Variants in FAXC observed in about 807,000 individuals in gnomAD.
The protein encoded by FAXC is failed axon connections homolog.
Under a neutral mutation model 41.9 loss-of-function variants are expected in FAXC, and 10 were observed. That is an observed-to-expected ratio of 0.24 (90% confidence interval 0.15 to 0.41). FAXC has a LOEUF of 0.41. FAXC is among the 10% of genes least tolerant of loss of function. FAXC has a pLI of 1.00. For synonymous variants in FAXC, 183 were observed against 183.8 expected (o/e 1.00, Z 0.03); for missense variants, 399 against 510.9 (o/e 0.78, Z 2.11).
intron 4 of FAXC, among the ~76,000 whole-genome samples, chr6:99,319,348 G>A (rs1024710044): frequency 2.1e-5 from 3 of 145,530 alleles, no homozygotes; most frequent in African/African-American, 5.1e-5. Context: ...GCAGTGAGCC[G>A]AGATTGCACC....
intron 1 of FAXC, among the ~76,000 whole-genome samples, chr6:99,346,932 C>T (rs1773615921): frequency 6.6e-6 from 1 of 152,120 alleles, no homozygotes; most frequent in African/African-American, 2.4e-5. Context: ...GTTTGCATTA[C>T]TTCAGAGCTT....
intron 4 of FAXC, among the ~76,000 whole-genome samples, chr6:99,315,229 T>A (rs539945430): frequency 4.0e-5 from 3 of 74,612 alleles, no homozygotes; most frequent in African/African-American, 1.5e-4. Flanking sequence ...CAACACTCCA[T>A]CTTAAAAAAA....
chr6:99,324,518 A>G (rs941985705), intron 3 of FAXC, among the ~76,000 whole-genome samples: 2 of 152,202 alleles, frequency 1.3e-5, no homozygotes, highest in East Asian at 1.9e-4. Flanking sequence ...ACAACTGCCA[A>G]TGGAACTTGG....
chr6:99,311,496 A>G (rs192414941), intron 4 of FAXC, among the ~76,000 whole-genome samples: 2 of 152,310 alleles, frequency 1.3e-5, no homozygotes, highest in Admixed American at 1.3e-4. Flanking sequence ...AATTGCTTGA[A>G]CTTGGGAGGT....
In FAXC at chr6:99,290,558, C is replaced by T. The variant is rs112252034; in HGVS notation, c.940+1146G>A. Among the ~76,000 whole-genome samples, 1,000 of 151,498 alleles carry T rather than the reference C, an allele frequency of 6.6e-3. 10 individuals carry two copies. Among genetic ancestry groups the T allele is most frequent in the African/African-American group, 0.024 (977 of 41,308 alleles). ...CTCTACTAAAAATACCAAAATTAGC[C>T]GGGCATGGTGTTGCACTCCTGTAAT... On this transcript the variant is annotated intron_variant, in intron 5 of 5. Coordinates refer to ENST00000389677, the MANE Select transcript of FAXC (RefSeq NM_032511.4).
At chr6:99,326,577 T>G (rs1175699915) in intron 3 of FAXC, among the ~76,000 whole-genome samples, 1 of 152,106 alleles carries the variant, frequency 6.6e-6, no homozygotes, top group African/African-American at 2.4e-5. Flanking sequence ...AGGTTTAGAC[T>G]CCAGATAGAG....
chr6:99,284,559 C>G (rs373893886), intron 5 of FAXC, among the ~76,000 whole-genome samples: 5,485 of 118,892 alleles, frequency 0.046, 109 homozygotes, highest in Non-Finnish European at 0.058. Context: ...TGTGGAGTGT[C>G]TGTGTGTGTG....
Position 99,272,818 on chromosome 6 carries a change from T to C in FAXC, c.*8346A>G, listed in dbSNP as rs570495856. The C allele has an allele frequency of 6.6e-6, 1 of 152,242 alleles. No individual in the cohort carries two copies. Among genetic ancestry groups the C allele is most frequent in the East Asian group, 1.9e-4 (1 of 5,204 alleles). 9.4% of individuals were successfully genotyped at this position (152,242 alleles called of 1,614,324 possible). On this transcript the variant is annotated 3_prime_UTR_variant, in exon 6 of 6. Transcript: ENST00000389677. ...TAAGAGACCACCACTTAACAGTATA[T>C]TAGATGCAAACATTTCAGATTTTCC...
chr6:99,335,349 A>T (rs9399138), intron 2 of FAXC, among the ~76,000 whole-genome samples: 8,924 of 152,336 alleles, frequency 0.059, 601 homozygotes, highest in East Asian at 0.39. Context: ...ACTTTCTTCA[A>T]GCCTCCTTGC....
intron 4 of FAXC, among the ~76,000 whole-genome samples, chr6:99,303,188 T>A (rs1375725302): frequency 6.6e-6 from 1 of 152,206 alleles, no homozygotes; most frequent in Admixed American, 6.5e-5. Context: ...TATGCCCTGA[T>A]GGTCTCATCA....
At chr6:99,308,933 T>G (rs534098125) in intron 4 of FAXC, among the ~76,000 whole-genome samples, 1 of 152,328 alleles carries the variant, frequency 6.6e-6, no homozygotes, top group African/African-American at 2.4e-5. Context: ...TAGAAATAAT[T>G]TGTTAGGTTG....
At chr6:99,342,209 T>C (rs1464891236) in intron 2 of FAXC, among the ~76,000 whole-genome samples, 2 of 152,232 alleles carry the variant, frequency 1.3e-5, no homozygotes, top group Admixed American at 1.3e-4. Flanking sequence ...CTGGGCCTTC[T>C]GCCCCCAAGA....
At position 99,349,483 on chromosome 6, in the gene FAXC, GGGCGGCGGCGACTGAGGA is replaced by G. The variant is rs966349702; in HGVS notation, c.-129_-112del. 431 of 821,516 alleles carry G rather than the reference GGGCGGCGGCGACTGAGGA, an allele frequency of 5.2e-4. 4 individuals carry two copies. In the South Asian group the frequency reaches 7.7e-3, roughly 15 times the overall value. 50.9% of individuals were successfully genotyped at this position (821,516 alleles called of 1,614,324 possible). A position where few individuals can be genotyped will look rare whatever the true frequency, so the allele number is the denominator to read the frequency against. On this transcript the variant is annotated 5_prime_UTR_variant, in exon 1 of 6. Coordinates refer to ENST00000389677, the MANE Select transcript of FAXC (RefSeq NM_032511.4). ...GGCGCGCGGAGGGCGCGGGCGGCGC[GGGCGGCGGCGACTGAGGA>G]GGCGGCGGCGACTGAGGAGGCGGCG... is the stretch of plus-strand genomic sequence containing the variant.
intron 4 of FAXC, among the ~76,000 whole-genome samples, chr6:99,301,345 C>A (rs1771698577): frequency 6.6e-6 from 1 of 152,206 alleles, no homozygotes; most frequent in African/African-American, 2.4e-5. Context: ...CCACGTTACT[C>A]CTCTACCGAA....
At position 99,275,592 on chromosome 6, in the gene FAXC, TGAG is replaced by T. The variant is rs770852865; in HGVS notation, c.*5569_*5571del. 6.6e-6 allele frequency: 1 copy of T among 152,204 alleles called. No homozygotes were observed. Among genetic ancestry groups the T allele is most frequent in the Non-Finnish European group, 1.5e-5 (1 of 68,048 alleles). 9.4% of individuals were successfully genotyped at this position (152,204 alleles called of 1,614,324 possible). A position where few individuals can be genotyped will look rare whatever the true frequency, so the allele number is the denominator to read the frequency against. ...CTTGCTTCGGCGAAAGCAGAATGGT[TGAG>T]GAGGTCACCCTGTCAGCTCCAAAAC... On this transcript the variant is annotated 3_prime_UTR_variant, in exon 6 of 6. Coordinates refer to ENST00000389677, the MANE Select transcript of FAXC (RefSeq NM_032511.4).
chr6:99,333,252 A>G, intron 3 of FAXC, 99 bp downstream of exon 3: 1 of 1,028,842 alleles, frequency 9.7e-7, no homozygotes, highest in African/African-American at 1.6e-5. Flanking sequence ...GAAACTGTTA[A>G]GGTAGAAAAC....
intron 4 of FAXC, among the ~76,000 whole-genome samples, chr6:99,320,112 T>C (rs2128459089): frequency 6.6e-6 from 1 of 152,350 alleles, no homozygotes; most frequent in South Asian, 2.1e-4. Flanking sequence ...TCCTAGTGAC[T>C]CAACACTAAG....
chr6:99,334,603 C>G (rs1773149393), intron 2 of FAXC: 1 of 981,426 alleles, frequency 1.0e-6, no homozygotes, highest in African/African-American at 1.8e-5. Context: ...TGTAAACTTA[C>G]CACATACCAT....
At chr6:99,334,612 A>G (rs1773149679) in intron 2 of FAXC, 1 of 981,532 alleles carries the variant, frequency 1.0e-6, no homozygotes, top group Admixed American at 6.1e-5. Flanking sequence ...ACCACATACC[A>G]TAGCCCCTAT....
Sources: allele counts gnomAD v4.1 joint callset (sites outside exome capture counted in the v4.1 genomes callset), GRCh38; gene constraint gnomAD v4.1.1; transcripts MANE v1.5; gene names NCBI Gene and HGNC (gene_info 2026-07-23, HGNC 2026-07-21).